The following L3HYPDH variants were observed in gnomAD, a reference collection of about 807,000 sequenced individuals.
L3HYPDH encodes trans-L-3-hydroxyproline dehydratase.
In L3HYPDH, 32 loss-of-function variants were observed where a neutral mutation model predicts 26.5. That is an observed-to-expected ratio of 1.21 (90% confidence interval 0.91 to 1.62). The LOEUF (loss-of-function observed/expected upper bound fraction) is 1.62, where lower values mean the gene tolerates loss of function less well. Among genes scored for constraint, L3HYPDH ranks in the 40% most tolerant of loss-of-function variants. The pLI, the probability that L3HYPDH is intolerant of heterozygous loss-of-function variation, is 0.00. For missense variants in L3HYPDH, 554 were observed against 476.4 expected, an observed-to-expected ratio of 1.16 and a Z score of -1.52; for synonymous variants, 215 against 196.6, an observed-to-expected ratio of 1.09 and a Z score of -0.78.
chr14:59,483,456 G>T, intron 1 of L3HYPDH: 1 of 1,137,032 alleles, frequency 8.8e-7, no homozygotes, highest in Non-Finnish European at 1.1e-6. Flanking sequence ...TGGTACATTG[G>T]CTGTTCTTCG....
chr14:59,486,213 C>T (rs1242827188), upstream of L3HYPDH, among the ~76,000 whole-genome samples: 1 of 152,134 alleles, frequency 6.6e-6, no homozygotes, highest in Non-Finnish European at 1.5e-5. Flanking sequence ...AGGTAATTTG[C>T]ATACCTCTGT....
chr14:59,483,609 G>C (rs913551717), intron 1 of L3HYPDH, 200 bp downstream of exon 1: 1 of 1,433,622 alleles, frequency 7.0e-7, no homozygotes, highest in African/African-American at 1.4e-5. Flanking sequence ...CAGGCGGATG[G>C]GAGTCAGGGA....
chr14:59,502,508 C>T, the L3HYPDH span, among the ~76,000 whole-genome samples: 2 of 152,076 alleles, frequency 1.3e-5, no homozygotes, highest in Non-Finnish European at 2.9e-5. Context: ...GGGAAAACAT[C>T]TAGGAATCAT....
chr14:59,484,647 C>G (rs1890367824), upstream of L3HYPDH: 2 of 1,562,364 alleles, frequency 1.3e-6, no homozygotes, highest in African/African-American at 2.7e-5. Context: ...GACTACTTTC[C>G]TACACGGCTG....
At chr14:59,473,111 T>G (rs777953961) in intron 4 of L3HYPDH, 21 bp from the exon 5 acceptor site, 1 of 1,570,466 alleles carries the variant, frequency 6.4e-7, no homozygotes, top group Admixed American at 2.0e-5. Flanking sequence ...ATGAAGGGAG[T>G]ATACTATCAA....
chr14:59,469,212 A>G (rs1033903860), downstream of L3HYPDH, among the ~76,000 whole-genome samples: 19 of 152,190 alleles, frequency 1.2e-4, no homozygotes, highest in African/African-American at 3.6e-4. Flanking sequence ...CAGTCCTAGC[A>G]AGACTACATG....
chr14:59,486,636 A>G, upstream of L3HYPDH: 1 of 997,038 alleles, frequency 1.0e-6, no homozygotes, highest in Non-Finnish European at 1.5e-6. Context: ...TATTTTTGCC[A>G]AATGCTTCAG....
the L3HYPDH span, chr14:59,504,590 G>A: frequency 3.3e-5 from 5 of 152,576 alleles, no homozygotes; most frequent in Admixed American, 1.3e-4. Context: ...GTATTTTGAT[G>A]TATTGCAAAA....
intron 1 of L3HYPDH, among the ~76,000 whole-genome samples, chr14:59,482,179 T>A (rs932101261): frequency 1.3e-5 from 2 of 152,194 alleles, no homozygotes. Context: ...GTCATCCTCA[T>A]TTTGCAGACT....
chr14:59,475,878 T>G lies in L3HYPDH; in HGVS notation c.930A>C (p.Lys310Asn). 4 of 1,612,484 alleles carry G rather than the reference T, an allele frequency of 2.5e-6. No individual in the cohort carries two copies. Among genetic ancestry groups the G allele is most frequent in the Non-Finnish European group, 3.4e-6 (4 of 1,179,568 alleles). ...TAAGGGTGCCACTTACCCTCACAGC[T>G]TTCCCTGTGAATACTGAGCCAGTTG... is the stretch of plus-strand genomic sequence containing the variant. ...SSATGSVFTG[K>N]AVREAKCGDF... The change falls in exon 4 of 5, where the codon AAA becomes AAC. Residue 310 changes from lysine to asparagine, a missense_variant. Physicochemically the swap from Lys to Asn is moderately conservative, Grantham distance 94. Transcript: ENST00000247194.
Position 59,484,055 on chromosome 14 carries a change from C to A in L3HYPDH, c.262G>T (p.Ala88Ser), listed in dbSNP as rs1890286479. The change falls in exon 1 of 5, where the codon GCG becomes TCG. Residue 88 changes from alanine to serine, a missense_variant. Ala to Ser is a moderately conservative substitution (Grantham distance 99, BLOSUM62 1). Transcript: ENST00000247194. ...AVLVPSELPD[A>S]HLGVLFLHNE... ...TGCAGGAACAGGACGCCCAGATGCG[C>A]GTCCGGCAGCTCGCTCGGGACTAGG... is the stretch of plus-strand genomic sequence containing the variant. The A allele has an allele frequency of 6.2e-7, 1 of 1,606,886 alleles. No individual in the cohort carries two copies. Among genetic ancestry groups the A allele is most frequent in the East Asian group, 2.2e-5 (1 of 44,846 alleles).
upstream of L3HYPDH, among the ~76,000 whole-genome samples, chr14:59,486,359 A>G (rs929247706): frequency 1.3e-5 from 2 of 152,194 alleles, no homozygotes; most frequent in African/African-American, 2.4e-5. Context: ...GTGACCCTCT[A>G]CTGGTGCTCT....
At chr14:59,501,489 A>G in the L3HYPDH span, among the ~76,000 whole-genome samples, 1 of 152,220 alleles carries the variant, frequency 6.6e-6, no homozygotes, top group Non-Finnish European at 1.5e-5. Flanking sequence ...AGTCAGGCCC[A>G]ACTATCCAGC....
the L3HYPDH span, chr14:59,498,686 A>C: frequency 9.0e-7 from 1 of 1,115,682 alleles, no homozygotes; most frequent in Non-Finnish European, 1.3e-6. Flanking sequence ...AACATTTTTA[A>C]AACATTTTTG....
chr14:59,484,208 C>G lies in L3HYPDH; in HGVS notation c.109G>C (p.Ala37Pro). 5 of 1,598,880 alleles carry G rather than the reference C, an allele frequency of 3.1e-6. No individual in the cohort carries two copies. The highest frequency in any genetic ancestry group is 1.1e-5 in the South Asian group (1 of 91,050). The change falls in exon 1 of 5, where the codon GCG becomes CCG. Residue 37 changes from alanine to proline, a missense_variant. Physicochemically the swap from Ala to Pro is conservative, Grantham distance 27 (BLOSUM62 -1). Transcript: ENST00000247194. ...GGCCCAGACACCTCCGGACACCCCG[C>G]CAGCACGATACGCAAGGGCTCGCCG... is the stretch of plus-strand genomic sequence containing the variant. ...TGGEPLRIVL[A>P]GCPEVSGPTL...
chr14:59,468,558 C>T (rs140427489), downstream of L3HYPDH, among the ~76,000 whole-genome samples: 7 of 152,258 alleles, frequency 4.6e-5, no homozygotes, highest in East Asian at 1.4e-3. Context: ...GGGCCATGTT[C>T]CCCTGTTAGT....
At chr14:59,484,540 T>G (rs780339397), upstream of L3HYPDH, 2 of 1,561,458 alleles carry the variant, frequency 1.3e-6, no homozygotes, top group East Asian at 4.8e-5. Context: ...TCGGTGCAGC[T>G]GCCAGATCCG....
downstream of L3HYPDH, among the ~76,000 whole-genome samples, chr14:59,470,508 T>C (rs900776104): frequency 5.9e-5 from 9 of 152,200 alleles, no homozygotes; most frequent in African/African-American, 2.2e-4. Context: ...GAGATGGGCC[T>C]GGGCCCATAC....
At chr14:59,493,162 T>C in the L3HYPDH span, among the ~76,000 whole-genome samples, 1 of 152,136 alleles carries the variant, frequency 6.6e-6, no homozygotes, top group Non-Finnish European at 1.5e-5. Context: ...AGAAACCGAT[T>C]CACAGATCCC....
Sources: allele counts gnomAD v4.1 joint callset (sites outside exome capture counted in the v4.1 genomes callset), GRCh38; gene constraint gnomAD v4.1.1; transcripts MANE v1.5; gene names NCBI Gene and HGNC (gene_info 2026-07-23, HGNC 2026-07-21).